The following CNTN6 variants were observed in gnomAD, a reference collection of about 807,000 sequenced individuals.
CNTN6 encodes the protein contactin-6.
Under a neutral mutation model 122.8 loss-of-function variants are expected in CNTN6, and 137 were observed. The observed-to-expected ratio is 1.12, with a 90% CI of 0.97 to 1.29. The LOEUF (loss-of-function observed/expected upper bound fraction) is 1.29, where lower values mean the gene tolerates loss of function less well. CNTN6 is among the 50% of genes most tolerant of loss of function. CNTN6 has a pLI of 0.00. For missense variants in CNTN6, 1,634 were observed against 1,223.4 expected, an observed-to-expected ratio of 1.34 and a Z score of -5.01; for synonymous variants, 570 against 426.0, an observed-to-expected ratio of 1.34 and a Z score of -4.16.
At chr3:1,119,354 G>T (rs112394312) in intron 1 of CNTN6, among the ~76,000 whole-genome samples, 12 of 8,824 alleles carry the variant, frequency 1.4e-3, no homozygotes, top group African/African-American at 3.4e-3. Flanking sequence ...TGTGTGTGTG[G>T]AGAATGTCTC....
intron 4 of CNTN6, among the ~76,000 whole-genome samples, chr3:1,275,947 G>A (rs17037046): frequency 0.024 from 3,723 of 152,160 alleles, 70 homozygotes; most frequent in Admixed American, 0.048. Flanking sequence ...TAATATTGTC[G>A]CTTAGATAGC....
intron 2 of CNTN6, among the ~76,000 whole-genome samples, chr3:1,152,770 G>A (rs781213272): frequency 1.2e-4 from 19 of 152,238 alleles, no homozygotes; most frequent in African/African-American, 3.4e-4. Context: ...AGGTTGAATC[G>A]TGTGCTATAT....
At chr3:1,125,638 A>G (rs1194330771) in intron 1 of CNTN6, among the ~76,000 whole-genome samples, 1 of 151,704 alleles carries the variant, frequency 6.6e-6, no homozygotes, top group African/African-American at 2.4e-5. Context: ...AACAAATATT[A>G]AAAAATAAGT....
intron 20 of CNTN6, among the ~76,000 whole-genome samples, chr3:1,393,595 A>C (rs1163468354): frequency 6.6e-6 from 1 of 150,968 alleles, no homozygotes; most frequent in Non-Finnish European, 1.5e-5. Flanking sequence ...TGTGTAATTC[A>C]GTTTCTATCT....
At chr3:1,284,184 G>A (rs967629463) in intron 5 of CNTN6, among the ~76,000 whole-genome samples, 31 of 152,182 alleles carry the variant, frequency 2.0e-4, no homozygotes, top group African/African-American at 7.2e-4. Context: ...AAGATAGCAC[G>A]ACTGTCTGAG....
At chr3:1,097,387 A>G (rs1432650326) in intron 1 of CNTN6, among the ~76,000 whole-genome samples, 2 of 152,232 alleles carry the variant, frequency 1.3e-5, no homozygotes, top group Non-Finnish European at 2.9e-5. Flanking sequence ...GAATAAATGA[A>G]TGAATAAATA....
In CNTN6 at chr3:1,157,192, TTTTA is replaced by T. The variant is rs1404306861; in HGVS notation, c.55+9154_55+9157del. ...TGTCACAAACAATCTAATTATACTC[TTTTA>T]TTTATTTATTTATTTATTTATTTAA... On this transcript the variant is annotated intron_variant, in intron 2 of 22. Transcript: ENST00000446702. Among the ~76,000 whole-genome samples, 493 of 147,036 alleles carry T rather than the reference TTTTA, an allele frequency of 3.4e-3. 1 individual carries two copies. Among genetic ancestry groups the T allele is most frequent in the Middle Eastern group, 7.1e-3 (2 of 280 alleles).
intron 3 of CNTN6, among the ~76,000 whole-genome samples, chr3:1,221,764 T>A (rs1179152715): frequency 6.6e-6 from 1 of 152,132 alleles, no homozygotes; most frequent in African/African-American, 2.4e-5. Flanking sequence ...AAACTTCATA[T>A]GTAGTGTTAA....
At chr3:1,344,714 T>C (rs1018984263) in intron 11 of CNTN6, among the ~76,000 whole-genome samples, 2 of 152,176 alleles carry the variant, frequency 1.3e-5, no homozygotes, top group Non-Finnish European at 2.9e-5. Flanking sequence ...TGAAAATAAA[T>C]ATTTGTGTTC....
intron 7 of CNTN6, among the ~76,000 whole-genome samples, chr3:1,304,720 G>C (rs1011487471): frequency 2.0e-5 from 3 of 151,970 alleles, no homozygotes; most frequent in African/African-American, 4.8e-5. Flanking sequence ...TTGGCCGGGC[G>C]CAGTGGCTCA....
In CNTN6 at chr3:1,373,718, A is replaced by G. The variant is rs1230837745; in HGVS notation, c.1901A>G (p.Gln634Arg). 7 of 1,611,752 alleles carry G rather than the reference A, an allele frequency of 4.3e-6. No homozygotes were observed. Among genetic ancestry groups the G allele is most frequent in the Non-Finnish European group, 5.9e-6 (7 of 1,178,660 alleles). The change falls in exon 15 of 23, where the codon CAG becomes CGG. Residue 634 changes from glutamine to arginine, a missense_variant. Transcript: ENST00000446702. Reference protein sequence around the residue: ...NNSPIQIFTIQTRTPFSVGWQ... With the variant: ...NNSPIQIFTIRTRTPFSVGWQ... ...AGTCCCATTCAAATATTTACTATTC[A>G]GACTCGGACACCATTTTCTGTGGGT...
intron 4 of CNTN6, among the ~76,000 whole-genome samples, chr3:1,274,229 A>G (rs557941980): frequency 1.6e-4 from 25 of 152,328 alleles, no homozygotes; most frequent in African/African-American, 5.5e-4. Flanking sequence ...TTAAACTGAT[A>G]CAAGCCAAAG....
In CNTN6 at chr3:1,382,983, T is replaced by A. The variant is rs767848196; in HGVS notation, c.2208T>A (p.Tyr736Ter). Residue 736 changes from tyrosine (Y) to a stop codon, truncating the protein, a stop_gained, in exon 18 of 23, where the codon TAT (tyrosine) becomes TAA (stop). Transcript: ENST00000446702. LOFTEE classifies it high-confidence loss of function. ...EELQNGEGFG[Y>*]IIMFRPVGST... ...TGCAGAATGGGGAGGGATTTGGATA[T>A]ATCATCATGTTCCGGCCAGTGGGCT... 1.9e-6 allele frequency: 3 copies of A among 1,614,062 alleles called. No individual in the cohort carries two copies. The highest frequency in any genetic ancestry group is 2.5e-6 in the Non-Finnish European group (3 of 1,179,940).
chr3:1,237,560 A>C (rs2094437077), intron 4 of CNTN6, among the ~76,000 whole-genome samples: 1 of 152,268 alleles, frequency 6.6e-6, no homozygotes. Flanking sequence ...CATATGGGAA[A>C]TTCATCACAA....
intron 2 of CNTN6, among the ~76,000 whole-genome samples, chr3:1,187,968 A>T (rs917388381): frequency 6.6e-6 from 1 of 152,106 alleles, no homozygotes; most frequent in Non-Finnish European, 1.5e-5. Flanking sequence ...CCCACACTGC[A>T]CCACCTTCCT....
At chr3:1,361,616 C>T (rs1437246138) in intron 12 of CNTN6, among the ~76,000 whole-genome samples, 1 of 151,880 alleles carries the variant, frequency 6.6e-6, no homozygotes, top group Non-Finnish European at 1.5e-5. Context: ...TGATAAATGG[C>T]CTAAATATTT....
intron 10 of CNTN6, among the ~76,000 whole-genome samples, chr3:1,328,702 C>T (rs1701867640): frequency 6.6e-6 from 1 of 151,600 alleles, no homozygotes; most frequent in South Asian, 2.1e-4. Context: ...AAACATGCAT[C>T]AGTAAGGTGA....
chr3:1,185,450 G>T (rs1206820278), intron 2 of CNTN6, among the ~76,000 whole-genome samples: 1 of 152,152 alleles, frequency 6.6e-6, no homozygotes, highest in East Asian at 1.9e-4. Flanking sequence ...AACCTCCAGG[G>T]GTTCCATTTC....
At chr3:1,094,121 G>A (rs1013144977) in intron 1 of CNTN6, among the ~76,000 whole-genome samples, 1 of 152,154 alleles carries the variant, frequency 6.6e-6, no homozygotes, top group Non-Finnish European at 1.5e-5. Flanking sequence ...AAAAGAAGAA[G>A]CATATGCTGA....
Sources: gnomAD v4.1 joint callset for allele counts (sites outside exome capture counted in the v4.1 genomes callset) on GRCh38, gnomAD v4.1.1 for gene constraint, MANE v1.5 for transcripts, NCBI Gene and HGNC (gene_info 2026-07-23, HGNC 2026-07-21) for gene names.